The following GPCPD1 variants were observed in gnomAD, a reference collection of about 807,000 sequenced individuals.
GPCPD1 encodes glycerophosphocholine phosphodiesterase 1.
In GPCPD1, 29 loss-of-function variants were observed where a neutral mutation model predicts 89.2. The ratio of observed to expected loss-of-function variants is 0.33; its 90% CI spans 0.24 to 0.44. GPCPD1 has a LOEUF of 0.44. Among genes scored for constraint, GPCPD1 ranks in the 20% least tolerant of loss-of-function variants. The probability of loss-of-function intolerance (pLI) is 1.00; values close to 1 mark genes in which losing one functional copy is unlikely to be tolerated. For missense variants in GPCPD1, 594 were observed against 808.9 expected (o/e 0.73, Z 3.22); for synonymous variants, 258 against 266.3 (o/e 0.97, Z 0.30).
At position 5,547,555 on chromosome 20, in the gene GPCPD1, T is replaced by G. The variant is rs1276726758; in HGVS notation, c.*106A>C. On this transcript the variant is annotated 3_prime_UTR_variant, in exon 20 of 20. Transcript: ENST00000379019. ...AGTTAAATACTTCATTATTGCTTCA[T>G]TGAACTGAGAAGCCCAAAAGGCATA... is the stretch of plus-strand genomic sequence containing the variant. The G allele has an allele frequency of 5.2e-6, 3 of 578,672 alleles. No homozygotes were observed. The highest frequency in any genetic ancestry group is 5.4e-5 in the Admixed American group (2 of 36,850). 35.8% of individuals were successfully genotyped at this position (578,672 alleles called of 1,614,324 possible).
chr20:5,603,480 A>G (rs1008223516), intron 2 of GPCPD1, among the ~76,000 whole-genome samples: 9 of 152,242 alleles, frequency 5.9e-5, no homozygotes, highest in African/African-American at 2.2e-4. Context: ...CAGAGGAAAC[A>G]GCATTTGAGA....
intron 5 of GPCPD1, chr20:5,585,845 C>T (rs941125264): frequency 1.6e-5 from 3 of 187,076 alleles, no homozygotes; most frequent in Non-Finnish European, 3.3e-5. Flanking sequence ...TTCAAATGTT[C>T]GTTAAGCCTG....
rs550376072 is a variant in GPCPD1, at chr20:5,551,850, T to G, written c.1830-4000A>C. Among the ~76,000 whole-genome samples the G allele has an allele frequency of 2.0e-5, 3 of 152,220 alleles. No individual in the cohort carries two copies. In the East Asian group the frequency reaches 5.8e-4, roughly 29 times the overall value. ...AATACCAGAAAATGATATGTAGCAGTTGAGTGTTTGATAATTGAAAACACA... is the reference window on the plus strand; with the variant it reads ...AATACCAGAAAATGATATGTAGCAGGTGAGTGTTTGATAATTGAAAACACA... On this transcript the variant is annotated intron_variant, in intron 19 of 19. Transcript: ENST00000379019.
intron 6 of GPCPD1, 142 bp downstream of exon 6, chr20:5,584,139 G>A (rs1600769698): frequency 6.1e-6 from 3 of 495,212 alleles, no homozygotes; most frequent in African/African-American, 2.0e-5. Context: ...GCTGCTGCAC[G>A]TGTGGCCTGT....
intron 5 of GPCPD1, chr20:5,585,638 AAAG>A (rs892273793): frequency 6.6e-6 from 1 of 151,716 alleles, no homozygotes; most frequent in Non-Finnish European, 1.5e-5. Flanking sequence ...CAAAAAAAAA[AAAG>A]AAAACTTTCC....
chr20:5,606,657 G>A (rs1394884205), intron 1 of GPCPD1, among the ~76,000 whole-genome samples: 1 of 152,096 alleles, frequency 6.6e-6, no homozygotes, highest in Non-Finnish European at 1.5e-5. Flanking sequence ...TAGCATCTAG[G>A]GGTAAAGGCC....
At chr20:5,601,645 A>C (rs1980161950) in intron 2 of GPCPD1, among the ~76,000 whole-genome samples, 1 of 152,114 alleles carries the variant, frequency 6.6e-6, no homozygotes, top group Non-Finnish European at 1.5e-5. Context: ...CTGGGATTAC[A>C]GGCATGAGCC....
At chr20:5,595,935 A>T (rs1979692459) in intron 3 of GPCPD1, among the ~76,000 whole-genome samples, 1 of 152,198 alleles carries the variant, frequency 6.6e-6, no homozygotes, top group African/African-American at 2.4e-5. Context: ...CCTCTCCCTC[A>T]GCCATTATTT....
intron 3 of GPCPD1, among the ~76,000 whole-genome samples, chr20:5,596,214 A>C (rs1476471743): frequency 6.6e-6 from 1 of 152,102 alleles, no homozygotes; most frequent in Non-Finnish European, 1.5e-5. Flanking sequence ...CCTAGGTCTC[A>C]ACACAGTGAA....
At chr20:5,571,729 C>T (rs1387190040) in intron 11 of GPCPD1, among the ~76,000 whole-genome samples, 2 of 151,940 alleles carry the variant, frequency 1.3e-5, no homozygotes, top group South Asian at 2.1e-4. Context: ...GCCAACATGG[C>T]GAAACCCCAT....
intron 2 of GPCPD1, among the ~76,000 whole-genome samples, chr20:5,602,189 TC>T (rs1382320741): frequency 2.0e-5 from 3 of 152,188 alleles, no homozygotes; most frequent in Non-Finnish European, 4.4e-5. Context: ...TCCCTCAGCC[TC>T]CTCCTTGGCA....
At chr20:5,563,997 AC>A (rs1293182137) in intron 15 of GPCPD1, among the ~76,000 whole-genome samples, 1 of 152,110 alleles carries the variant, frequency 6.6e-6, no homozygotes, top group African/African-American at 2.4e-5. Context: ...AACTAAAACT[AC>A]CTATTTTTGC....
In GPCPD1 at chr20:5,547,162, T is replaced by TA. The variant is rs1321929197; in HGVS notation, c.*498dup. ...GGTGTTGTGTGCATGTCAACCCATG[T>TA]AAAAAATACCTATATACAAGATGGC... On this transcript the variant is annotated 3_prime_UTR_variant, in exon 20 of 20. Transcript: ENST00000379019. 1.3e-5 allele frequency: 2 copies of TA among 152,612 alleles called. No homozygotes were observed. The highest frequency in any genetic ancestry group is 2.9e-5 in the Non-Finnish European group (2 of 68,042). The allele number at this position is 152,612 out of a possible 1,614,324, so 9.5% of individuals were successfully genotyped here.
rs763673025 is a variant in GPCPD1 at position 5,547,743 on chromosome 20, C to T, written c.1937G>A (p.Ser646Asn). 6.2e-7 allele frequency: 1 copy of T among 1,611,082 alleles called. No individual in the cohort carries two copies. Among genetic ancestry groups the T allele is most frequent in the Non-Finnish European group, 8.5e-7 (1 of 1,177,294 alleles). The change falls in exon 20 of 20, where the codon AGC becomes AAC. Residue 646 changes from serine (S) to asparagine (N), a missense_variant. Physicochemically the swap from Ser to Asn is conservative, Grantham distance 46. Coordinates refer to ENST00000379019, the MANE Select transcript of GPCPD1 (RefSeq NM_019593.5). ...ACACAAAGATGAGGGAACAAAGCGG[C>T]TAACAGTGGGACACAAACAGCTCTT... is the stretch of plus-strand genomic sequence containing the variant. ...ELKSCLCPTV[S>N]RFVPSSLCGE...
At chr20:5,602,669 A>G (rs946691139) in intron 2 of GPCPD1, among the ~76,000 whole-genome samples, 1 of 152,202 alleles carries the variant, frequency 6.6e-6, no homozygotes, top group African/African-American at 2.4e-5. Context: ...GCAGGAATTC[A>G]GCATAAACAA....
At chr20:5,581,814 C>CTTT (rs11479995) in intron 6 of GPCPD1, among the ~76,000 whole-genome samples, 849 of 74,964 alleles carry the variant, frequency 0.011, 105 homozygotes, top group East Asian at 0.071. Context: ...GGGACTTTAA[C>CTTT]TTTTTTTTTT....
At position 5,545,767 on chromosome 20, in the gene GPCPD1, T is replaced by C. The variant is rs183522435; in HGVS notation, c.*1894A>G. On this transcript the variant is annotated 3_prime_UTR_variant, in exon 20 of 20. Coordinates refer to ENST00000379019, the MANE Select transcript of GPCPD1 (RefSeq NM_019593.5). ...AAAGTGAGCAGGAAGGTTCTGTCTG[T>C]ATTGTAGGCAGTGACTGTCTGCTCT... 361 of 152,364 alleles carry C rather than the reference T, an allele frequency of 2.4e-3. 4 individuals carry two copies. In the Middle Eastern group the frequency reaches 0.031, roughly 13 times the overall value. 9.4% of individuals were successfully genotyped at this position (152,364 alleles called of 1,614,324 possible). A position where few individuals can be genotyped will look rare whatever the true frequency, so the allele number is the denominator to read the frequency against.
chr20:5,591,009 G>A (rs1979293362), intron 4 of GPCPD1, among the ~76,000 whole-genome samples: 1 of 152,188 alleles, frequency 6.6e-6, no homozygotes, highest in Middle Eastern at 3.4e-3. Flanking sequence ...GCAAAGAGGG[G>A]TGGATACAGA....
At chr20:5,566,879 A>G (rs1986420199) in intron 13 of GPCPD1, 107 bp from the exon 14 acceptor site, 1 of 719,758 alleles carries the variant, frequency 1.4e-6, no homozygotes, top group Non-Finnish European at 2.5e-6. Context: ...AAGCCTATAA[A>G]ACGTAGAACT....
Sources: gnomAD v4.1 joint callset for allele counts (sites outside exome capture counted in the v4.1 genomes callset) on GRCh38, gnomAD v4.1.1 for gene constraint, MANE v1.5 for transcripts, NCBI Gene and HGNC (gene_info 2026-07-23, HGNC 2026-07-21) for gene names.